RRN3: variants seen among roughly 807,000 people sequenced by gnomAD.
RRN3 encodes the protein RNA polymerase I transcription factor RRN3.
A neutral mutation model predicts 82.3 loss-of-function variants in RRN3; 38 were observed. The observed-to-expected ratio is 0.46, with a 90% confidence interval of 0.36 to 0.61. The LOEUF is 0.61. Ranked by LOEUF, RRN3 falls within the 20% of genes least tolerant of loss-of-function variation. The pLI is 0.00. For synonymous variants in RRN3, 284 were observed against 284.3 expected (o/e 1.00, Z 0.01); for missense variants, 726 against 793.1 (o/e 0.92, Z 1.02).
intron 16 of RRN3, among the ~76,000 whole-genome samples, chr16:15,063,769 T>A (rs1195725184): frequency 2.7e-5 from 4 of 150,694 alleles, no homozygotes; most frequent in African/African-American, 9.8e-5. Context: ...ATGCTGTAAC[T>A]AATGTGGCTC....
At position 15,091,390 on chromosome 16, in the gene RRN3, G is replaced by T. The variant is rs62039518; in HGVS notation, c.196-19C>A. 1.9e-6 allele frequency: 3 copies of T among 1,552,756 alleles called. No individual in the cohort carries two copies. The highest frequency in any genetic ancestry group is 2.6e-6 in the Non-Finnish European group (3 of 1,133,236). On this transcript the variant is annotated intron_variant, in intron 2 of 17. Coordinates refer to ENST00000198767, the MANE Select transcript of RRN3 (RefSeq NM_018427.5). Reference sequence around the variant, plus strand: ...TTTCACCCTTAACAAGAAGGGGAAAGAATTAAGTTATGCTTTTGTTTCCTG... The same window carrying T: ...TTTCACCCTTAACAAGAAGGGGAAATAATTAAGTTATGCTTTTGTTTCCTG...
intron 16 of RRN3, among the ~76,000 whole-genome samples, chr16:15,063,717 A>AAG (rs1555454469): frequency 1.3e-5 from 2 of 151,006 alleles, no homozygotes; most frequent in Non-Finnish European, 3.0e-5. Context: ...AAAAAAAAAA[A>AAG]AAAAAGAAAA....
chr16:15,082,443 C>T (rs559997073), intron 8 of RRN3, among the ~76,000 whole-genome samples: 5 of 151,994 alleles, frequency 3.3e-5, no homozygotes, highest in Non-Finnish European at 7.4e-5. Flanking sequence ...GAGGTGGAGA[C>T]GGGTAGATCG....
rs746005020 is a variant in RRN3 at position 15,076,665 on chromosome 16, GA to G, written c.766-16del. Reference sequence around the variant, plus strand: ...GATGCATTCACCTATAACAAAGGGAGAAAAAAAAAGAATAAAAGGATTTAAA... The same window carrying G: ...GATGCATTCACCTATAACAAAGGGAGAAAAAAAAGAATAAAAGGATTTAAA... On this transcript the variant is annotated splice_polypyrimidine_tract_variant and intron_variant, in intron 9 of 17. Coordinates refer to ENST00000198767, the MANE Select transcript of RRN3 (RefSeq NM_018427.5). 1.1e-4 allele frequency: 166 copies of G among 1,492,266 alleles called. No homozygotes were observed. Among genetic ancestry groups the G allele is most frequent in the Middle Eastern group, 1.7e-4 (1 of 5,754 alleles). The allele number at this position is 1,492,266 out of a possible 1,614,324, so 92.4% of individuals were successfully genotyped here. A position where few individuals can be genotyped will look rare whatever the true frequency, so the allele number is the denominator to read the frequency against.
intron 16 of RRN3, among the ~76,000 whole-genome samples, chr16:15,063,600 C>T (rs1045230760): frequency 6.9e-6 from 1 of 145,072 alleles, no homozygotes; most frequent in African/African-American, 2.5e-5. Flanking sequence ...CCCAGCTACT[C>T]GGGAGGCTGA....
At chr16:15,080,468 T>C (rs1056884327) in intron 8 of RRN3, among the ~76,000 whole-genome samples, 2 of 152,122 alleles carry the variant, frequency 1.3e-5, no homozygotes, top group Admixed American at 6.5e-5. Flanking sequence ...AGGGTCTTGC[T>C]CTCTCTCTCA....
intron 9 of RRN3, among the ~76,000 whole-genome samples, chr16:15,077,760 G>C (rs1398542679): frequency 6.6e-6 from 1 of 152,224 alleles, no homozygotes; most frequent in East Asian, 1.9e-4. Flanking sequence ...AGAACTGCTT[G>C]AACCCCGGAG....
chr16:15,072,769 A>G (rs1347451148), intron 12 of RRN3, among the ~76,000 whole-genome samples, 181 bp downstream of exon 12: 1 of 152,188 alleles, frequency 6.6e-6, no homozygotes, highest in African/African-American at 2.4e-5. Context: ...CTGTGTCTCA[A>G]AAAAGAAAGG....
At chr16:15,070,741 A>G (rs2045188954) in intron 13 of RRN3, among the ~76,000 whole-genome samples, 1 of 152,058 alleles carries the variant, frequency 6.6e-6, no homozygotes, top group Admixed American at 6.6e-5. Context: ...CTGGCCTCCT[A>G]GATAGGTCTA....
chr16:15,093,616 T>TA (rs1472225836), intron 1 of RRN3, among the ~76,000 whole-genome samples: 8 of 152,184 alleles, frequency 5.3e-5, no homozygotes, highest in African/African-American at 1.9e-4. Flanking sequence ...TTACACGTAG[T>TA]AAATTAATGA....
At chr16:15,088,147 A>G (rs1335641165) in intron 3 of RRN3, among the ~76,000 whole-genome samples, 2 of 151,930 alleles carry the variant, frequency 1.3e-5, no homozygotes, top group Non-Finnish European at 2.9e-5. Flanking sequence ...AATCAGTTGC[A>G]GACTTTGATG....
intron 16 of RRN3, 114 bp from the exon 17 acceptor site, chr16:15,063,397 A>G: frequency 1.2e-6 from 1 of 804,258 alleles, no homozygotes; most frequent in Non-Finnish European, 2.2e-6. Flanking sequence ...TGAAAACTAC[A>G]GCTTAAATAA....
chr16:15,068,735 C>T (rs2045090712), intron 14 of RRN3, among the ~76,000 whole-genome samples: 1 of 152,062 alleles, frequency 6.6e-6, no homozygotes, highest in African/African-American at 2.4e-5. Flanking sequence ...AGTTTTTTTT[C>T]TAAACAAGAA....
intron 12 of RRN3, among the ~76,000 whole-genome samples, chr16:15,072,434 A>G (rs2045276487): frequency 6.6e-6 from 1 of 152,156 alleles, no homozygotes; most frequent in South Asian, 2.1e-4. Flanking sequence ...TAGTGACCAA[A>G]AGGCAGGATG....
chr16:15,061,927 T>C (rs1228077178), intron 17 of RRN3, 22 bp from the exon 18 acceptor site: 20 of 1,598,032 alleles, frequency 1.3e-5, no homozygotes, highest in Non-Finnish European at 1.6e-5. Flanking sequence ...TCAGAAATCA[T>C]CAGTAACATC....
chr16:15,064,399 T>A (rs1380637391), intron 16 of RRN3, among the ~76,000 whole-genome samples: 2 of 152,152 alleles, frequency 1.3e-5, no homozygotes, highest in Non-Finnish European at 2.9e-5. Context: ...GGTCTTGAAC[T>A]CCTGACTTCA....
chr16:15,064,307 C>G (rs1209472068), intron 16 of RRN3, among the ~76,000 whole-genome samples: 2 of 152,130 alleles, frequency 1.3e-5, no homozygotes, highest in Non-Finnish European at 2.9e-5. Flanking sequence ...TCCCGAGTAG[C>G]TGGAATTACA....
chr16:15,066,284 G>C (rs1214906274), intron 15 of RRN3, among the ~76,000 whole-genome samples: 1 of 152,158 alleles, frequency 6.6e-6, no homozygotes, highest in African/African-American at 2.4e-5. Flanking sequence ...GCACTTCCGG[G>C]TGTGTGACAA....
rs1445388271 is a variant in RRN3 at position 15,094,187 on chromosome 16, G to T, written c.47C>A (p.Ala16Asp). The T allele has an allele frequency of 6.2e-7, 1 of 1,601,508 alleles. No individual in the cohort carries two copies. Among genetic ancestry groups the T allele is most frequent in the African/African-American group, 1.3e-5 (1 of 74,828 alleles). The change falls in exon 1 of 18, where the codon GCT becomes GAT. Residue 16 changes from alanine to aspartate, a missense_variant. Transcript: ENST00000198767. ...CAGCTTCTTAACTGCAGAGGACGAAGCGGCCGCATCTCCCGGCAAACGCGT... is the reference window on the plus strand; with the variant it reads ...CAGCTTCTTAACTGCAGAGGACGAATCGGCCGCATCTCCCGGCAAACGCGT... ...LHTRLPGDAA[A>D]SSSAVKKLGA...
Sources: gnomAD v4.1 joint callset for allele counts (sites outside exome capture counted in the v4.1 genomes callset) on GRCh38, gnomAD v4.1.1 for gene constraint, MANE v1.5 for transcripts, NCBI Gene and HGNC (gene_info 2026-07-23, HGNC 2026-07-21) for gene names.